The following ITGA9 variants were observed in gnomAD, a reference collection of about 807,000 sequenced individuals.
ITGA9 encodes integrin alpha-9.
A neutral mutation model predicts 127.8 loss-of-function variants in ITGA9; 56 were observed. The observed-to-expected ratio is 0.44, with a 90% CI of 0.35 to 0.55. The LOEUF is 0.55. ITGA9 is among the 20% of genes least tolerant of loss of function. The pLI, the probability that ITGA9 is intolerant of heterozygous loss-of-function variation, is 0.00. For missense variants in ITGA9, 1,196 were observed against 1,347.1 expected (o/e 0.89, Z 1.76); for synonymous variants, 508 against 514.5 (o/e 0.99, Z 0.17).
chr3:37,574,372 A>G (rs1481104380), intron 15 of ITGA9, among the ~76,000 whole-genome samples: 2 of 152,200 alleles, frequency 1.3e-5, no homozygotes, highest in Non-Finnish European at 2.9e-5. Context: ...GTAAAATCCT[A>G]TTGCTTTCTG....
chr3:37,766,522 T>C (rs949200526), intron 23 of ITGA9, among the ~76,000 whole-genome samples: 5 of 152,178 alleles, frequency 3.3e-5, no homozygotes, highest in African/African-American at 1.2e-4. Context: ...TGATTTACCC[T>C]TTGATAAAAG....
chr3:37,580,361 G>A (rs919961783), intron 15 of ITGA9, among the ~76,000 whole-genome samples: 7 of 152,194 alleles, frequency 4.6e-5, no homozygotes, highest in Non-Finnish European at 8.8e-5. Flanking sequence ...CTTTTGCTCT[G>A]GAAGGGAAGG....
chr3:37,627,931 C>T (rs987384187), intron 15 of ITGA9, among the ~76,000 whole-genome samples: 4 of 151,842 alleles, frequency 2.6e-5, no homozygotes, highest in Admixed American at 2.0e-4. Context: ...CTGGCAGGCA[C>T]ATCTGCCTCT....
chr3:37,765,361 C>G (rs1696768240), intron 23 of ITGA9, among the ~76,000 whole-genome samples: 1 of 152,170 alleles, frequency 6.6e-6, no homozygotes. Flanking sequence ...CAAATTTAAA[C>G]TCTACAAACT....
intron 20 of ITGA9, among the ~76,000 whole-genome samples, chr3:37,738,184 T>C (rs1696387896): frequency 6.6e-6 from 1 of 152,264 alleles, no homozygotes; most frequent in Non-Finnish European, 1.5e-5. Flanking sequence ...ACATAAAACA[T>C]GACTGTGATC....
At position 37,819,348 on chromosome 3, in the gene ITGA9, GAT is replaced by G. The variant is rs1559608357; in HGVS notation, c.*360_*361del. 1.9e-5 allele frequency: 4 copies of G among 215,832 alleles called. No individual in the cohort carries two copies. Among genetic ancestry groups the G allele is most frequent in the African/African-American group, 9.2e-5 (4 of 43,422 alleles). 13.4% of individuals were successfully genotyped at this position (215,832 alleles called of 1,614,324 possible). On this transcript the variant is annotated 3_prime_UTR_variant, in exon 28 of 28. Coordinates refer to ENST00000264741, the MANE Select transcript of ITGA9 (RefSeq NM_002207.3). ...TGATTATGTCTTTTATATTTGTATCGATGTTTTATTATTTCTATTAAATAGTT... is the reference window on the plus strand; with the variant it reads ...TGATTATGTCTTTTATATTTGTATCGGTTTTATTATTTCTATTAAATAGTT...
chr3:37,777,916 G>A (rs1237933973), intron 24 of ITGA9, among the ~76,000 whole-genome samples: 1 of 152,162 alleles, frequency 6.6e-6, no homozygotes, highest in African/African-American at 2.4e-5. Context: ...GAGTACTTGT[G>A]CTTCCCAGAA....
Position 37,765,418 on chromosome 3 carries a change from C to G in ITGA9, c.2542-11974C>G, listed in dbSNP as rs1053105689. Among the ~76,000 whole-genome samples the G allele has an allele frequency of 2.6e-5, 4 of 152,298 alleles. No homozygotes were observed. In the East Asian group the frequency reaches 7.7e-4, roughly 29 times the overall value. On this transcript the variant is annotated intron_variant, in intron 23 of 27. Transcript: ENST00000264741. ...TATTTCCTTCCCCCTCAGTTTCTCT[C>G]ACACAGACACTGCTGATCTCAGTAA...
chr3:37,761,423 A>G (rs17036912), intron 23 of ITGA9, among the ~76,000 whole-genome samples: 14,414 of 152,228 alleles, frequency 0.095, 2,082 homozygotes, highest in African/African-American at 0.32. Context: ...GGTTCTCAGC[A>G]TAAATGTTGA....
rs1697401401 is a variant in ITGA9, at chr3:37,814,137, C to T, written c.3010-4754C>T. ...GAGTCCTGAGTACCCAGCTGTGTGG[C>T]CCACAGTCTAGAGCCTTGAATTCAC... On this transcript the variant is annotated intron_variant, in intron 27 of 27. Transcript: ENST00000264741. The surrounding 1 kb of genome is among the most constrained non-coding windows in gnomAD (Gnocchi z 4.3). 6.6e-6 allele frequency among the ~76,000 whole-genome samples: 1 copy of T among 152,124 alleles called. No individual in the cohort carries two copies. The highest frequency in any genetic ancestry group is 2.4e-5 in the African/African-American group (1 of 41,418).
chr3:37,678,665 T>C (rs1700706021), intron 17 of ITGA9, among the ~76,000 whole-genome samples: 1 of 152,244 alleles, frequency 6.6e-6, no homozygotes, highest in Admixed American at 6.5e-5. Flanking sequence ...ATGGTTTTTA[T>C]GTCTAAGACT....
chr3:37,676,736 G>T (rs527661167), intron 17 of ITGA9, among the ~76,000 whole-genome samples: 1 of 152,312 alleles, frequency 6.6e-6, no homozygotes, highest in South Asian at 2.1e-4. Flanking sequence ...GGGCCTAGAA[G>T]ATCAACATCA....
intron 19 of ITGA9, among the ~76,000 whole-genome samples, chr3:37,734,510 G>A (rs1400009294): frequency 6.6e-6 from 1 of 152,162 alleles, no homozygotes; most frequent in Admixed American, 6.5e-5. Context: ...GTTTGTTTGA[G>A]AGGGAGTCTC....
At chr3:37,573,095 C>T (rs1191467697) in intron 15 of ITGA9, 1 of 152,178 alleles carries the variant, frequency 6.6e-6, no homozygotes, top group African/African-American at 2.4e-5. Context: ...GAACCTGGCC[C>T]AGGCTCCACA....
intron 18 of ITGA9, among the ~76,000 whole-genome samples, chr3:37,732,260 T>G (rs548003805): frequency 1.3e-5 from 2 of 152,226 alleles, no homozygotes; most frequent in African/African-American, 4.8e-5. Context: ...CCCTCACTGC[T>G]TCAGGCTTTA....
At chr3:37,779,789 C>G (rs1696953552) in intron 24 of ITGA9, 113 bp from the exon 25 acceptor site, 2 of 998,224 alleles carry the variant, frequency 2.0e-6, no homozygotes, top group Non-Finnish European at 3.1e-6. Flanking sequence ...TGGATTTCCT[C>G]TGCCTGGAAT....
At chr3:37,645,415 A>G (rs1418579215) in intron 16 of ITGA9, among the ~76,000 whole-genome samples, 1 of 152,184 alleles carries the variant, frequency 6.6e-6, no homozygotes, top group African/African-American at 2.4e-5. Context: ...TAAAAACACA[A>G]AAATTAGCGG....
At chr3:37,559,257 T>C (rs1699462171) in intron 15 of ITGA9, among the ~76,000 whole-genome samples, 1 of 145,576 alleles carries the variant, frequency 6.9e-6, no homozygotes, top group Non-Finnish European at 1.5e-5. Context: ...GGAAAAGTGA[T>C]GGATGAAACT....
intron 15 of ITGA9, among the ~76,000 whole-genome samples, chr3:37,548,874 G>C (rs1368565938): frequency 1.3e-5 from 2 of 152,358 alleles, no homozygotes; most frequent in East Asian, 3.9e-4. Flanking sequence ...CTCCTGGTCT[G>C]TAGGTAGCAT....
Sources: gnomAD v4.1 joint callset for allele counts (sites outside exome capture counted in the v4.1 genomes callset) on GRCh38, gnomAD v4.1.1 for gene constraint, Gnocchi (gnomAD v3.1) non-coding constraint, MANE v1.5 for transcripts, NCBI Gene and HGNC (gene_info 2026-07-23, HGNC 2026-07-21) for gene names.